The following CLVS1 variants were observed in gnomAD, a reference collection of about 807,000 sequenced individuals.
The protein encoded by CLVS1 is clavesin 1.
A neutral mutation model predicts 33.1 loss-of-function variants in CLVS1; 10 were observed. The ratio of observed to expected loss-of-function variants is 0.30; its 90% CI spans 0.19 to 0.51. The LOEUF (loss-of-function observed/expected upper bound fraction) is 0.51. CLVS1 is among the 20% of genes least tolerant of loss of function. The probability of loss-of-function intolerance (pLI) is 0.97; values close to 1 mark genes in which losing one functional copy is unlikely to be tolerated. For missense variants in CLVS1, 343 were observed against 433.4 expected (o/e 0.79, Z 1.85); for synonymous variants, 163 against 166.1 (o/e 0.98, Z 0.14).
intron 5 of CLVS1, among the ~76,000 whole-genome samples, chr8:61,459,932 C>A (rs939075810): frequency 6.6e-6 from 1 of 152,178 alleles, no homozygotes; most frequent in Non-Finnish European, 1.5e-5. Flanking sequence ...CTTCTCCATG[C>A]GTCCTTACAC....
At chr8:61,110,266 G>A (rs1205141833) in intron 1 of CLVS1, among the ~76,000 whole-genome samples, 1 of 152,134 alleles carries the variant, frequency 6.6e-6, no homozygotes, top group Non-Finnish European at 1.5e-5. Flanking sequence ...TGCTGTTAGG[G>A]AGCTGCCCTG....
At chr8:61,174,953 C>T (rs10504322) in intron 2 of CLVS1, among the ~76,000 whole-genome samples, 8,273 of 93,608 alleles carry the variant, frequency 0.088, 312 homozygotes, top group South Asian at 0.22. Flanking sequence ...AACCTAAGAG[C>T]GGAGACCTAG....
chr8:61,051,889 C>T, the CLVS1 span, among the ~76,000 whole-genome samples: 1 of 152,258 alleles, frequency 6.6e-6, no homozygotes, highest in Non-Finnish European at 1.5e-5. Flanking sequence ...CCATCCCACT[C>T]CCAGAATGTG....
chr8:61,034,313 CAGTGTAGAATGATTAAATCA>C, the CLVS1 span, among the ~76,000 whole-genome samples: 1 of 151,956 alleles, frequency 6.6e-6, no homozygotes, highest in African/African-American at 2.4e-5. Context: ...TATATGTATA[CAGTGTAGAATGATTAAATCA>C]AGCTAATTAA....
chr8:61,370,988 G>T lies in CLVS1; in HGVS notation c.456-5617G>T, dbSNP rs1027489084. Among the ~76,000 whole-genome samples the T allele has an allele frequency of 5.9e-5, 9 of 152,076 alleles. No homozygotes were observed. In the East Asian group the frequency reaches 1.7e-3, roughly 29 times the overall value. On this transcript the variant is annotated intron_variant, in intron 2 of 5. Transcript: ENST00000325897. ...TGAGCAAGTGTCTTTTTCTTATAAT[G>T]ACTTCTTTTCCTCTGAGTAGATACT...
intron 3 of CLVS1, among the ~76,000 whole-genome samples, chr8:61,444,653 A>C (rs117712936): frequency 1.3e-5 from 2 of 152,188 alleles, no homozygotes; most frequent in Admixed American, 6.5e-5. Context: ...CACACTACAG[A>C]ATGGAGTCAC....
chr8:61,499,426 T>TTCTG (rs750565974), intron 5 of CLVS1, 29 bp from the exon 6 acceptor site: 10 of 1,509,952 alleles, frequency 6.6e-6, no homozygotes, highest in Middle Eastern at 1.7e-4. Flanking sequence ...TTGTTTGTAA[T>TTCTG]TCTGTCTTTT....
At chr8:61,006,500 G>A in the CLVS1 span, among the ~76,000 whole-genome samples, 12 of 152,282 alleles carry the variant, frequency 7.9e-5, no homozygotes, top group African/African-American at 2.9e-4. Flanking sequence ...GTCTGCTGCG[G>A]TCCTGGGCAG....
intron 2 of CLVS1, among the ~76,000 whole-genome samples, chr8:61,246,950 C>T (rs1808823893): frequency 6.6e-6 from 1 of 152,054 alleles, no homozygotes; most frequent in Non-Finnish European, 1.5e-5. Flanking sequence ...TGCTCCTCTC[C>T]CTCTTCCCAC....
At chr8:61,314,843 T>G (rs746170197) in intron 2 of CLVS1, among the ~76,000 whole-genome samples, 50 of 152,256 alleles carry the variant, frequency 3.3e-4, no homozygotes, top group Admixed American at 1.6e-3. Context: ...AACTCCTCTC[T>G]TTCTAATTTC....
chr8:61,341,860 G>C (rs1812039686), intron 2 of CLVS1, among the ~76,000 whole-genome samples: 1 of 152,206 alleles, frequency 6.6e-6, no homozygotes, highest in Non-Finnish European at 1.5e-5. Flanking sequence ...AATAAAAACA[G>C]CTGCTGTCTT....
At chr8:61,386,701 C>T (rs1370720864) in intron 3 of CLVS1, among the ~76,000 whole-genome samples, 1 of 152,128 alleles carries the variant, frequency 6.6e-6, no homozygotes, top group Non-Finnish European at 1.5e-5. Flanking sequence ...TAGGGAATGA[C>T]AACTATCTCA....
intron 3 of CLVS1, among the ~76,000 whole-genome samples, chr8:61,414,418 T>TC (rs71257361): frequency 0.011 from 1,684 of 151,786 alleles, 31 homozygotes; most frequent in African/African-American, 0.038. Flanking sequence ...TTTTTTTTTT[T>TC]CATATTTTTC....
intron 2 of CLVS1, among the ~76,000 whole-genome samples, chr8:61,275,003 A>G (rs569248627): frequency 3.3e-4 from 50 of 152,252 alleles, no homozygotes; most frequent in African/African-American, 1.1e-3. Context: ...CCAATTTGCA[A>G]TCAGGAATAT....
chr8:61,497,804 G>A (rs1384377581), intron 5 of CLVS1, among the ~76,000 whole-genome samples: 1 of 152,144 alleles, frequency 6.6e-6, no homozygotes, highest in Non-Finnish European at 1.5e-5. Flanking sequence ...CATTCTTACG[G>A]TTATTTCTTG....
intron 2 of CLVS1, among the ~76,000 whole-genome samples, chr8:61,320,739 G>T (rs2129596230): frequency 6.6e-6 from 1 of 152,288 alleles, no homozygotes; most frequent in Non-Finnish European, 1.5e-5. Context: ...TAAGGGCACT[G>T]ATTGCTCTAG....
intron 3 of CLVS1, among the ~76,000 whole-genome samples, chr8:61,378,920 C>A (rs1813757304): frequency 1.3e-5 from 2 of 152,164 alleles, no homozygotes; most frequent in South Asian, 4.2e-4. Context: ...GAGTTCATTC[C>A]TTTGTGGTCA....
At chr8:61,138,893 C>T (rs941988551) in intron 2 of CLVS1, among the ~76,000 whole-genome samples, 1 of 152,248 alleles carries the variant, frequency 6.6e-6, no homozygotes, top group African/African-American at 2.4e-5. Context: ...CGCTCTTTCC[C>T]GATTGTAAAT....
intron 3 of CLVS1, among the ~76,000 whole-genome samples, chr8:61,440,880 G>A (rs894275791): frequency 2.6e-5 from 4 of 152,154 alleles, no homozygotes; most frequent in Non-Finnish European, 5.9e-5. Flanking sequence ...ATTAAGATAC[G>A]GAGTGGTTGC....
Sources: allele counts gnomAD v4.1 joint callset (sites outside exome capture counted in the v4.1 genomes callset), GRCh38; gene constraint gnomAD v4.1.1; transcripts MANE v1.5; gene names NCBI Gene and HGNC (gene_info 2026-07-23, HGNC 2026-07-21).